FGF12: variants seen among roughly 807,000 people sequenced by gnomAD.
FGF12 encodes the protein fibroblast growth factor 12, also known as fibroblast growth factor 12B.
Under a neutral mutation model 23.6 loss-of-function variants are expected in FGF12, and 14 were observed. That is an observed-to-expected ratio of 0.59 (90% CI 0.39 to 0.93). The LOEUF is 0.93. Ranked by LOEUF, FGF12 falls within the 40% of genes least tolerant of loss-of-function variation. The probability of loss-of-function intolerance (pLI) is 0.00; values close to 1 mark genes in which losing one functional copy is unlikely to be tolerated. For synonymous variants in FGF12, 62 were observed against 77.3 expected, an observed-to-expected ratio of 0.80 and a Z score of 1.04; for missense variants, 175 against 217.8, an observed-to-expected ratio of 0.80 and a Z score of 1.24.
At chr3:192,725,280 T>C (rs573029086) in intron 2 of FGF12, among the ~76,000 whole-genome samples, 52 of 137,960 alleles carry the variant, frequency 3.8e-4, no homozygotes, top group African/African-American at 1.6e-3. Flanking sequence ...AAGACTTTCA[T>C]CATGTTTTTT....
chr3:192,377,547 T>A (rs1400328166), intron 2 of FGF12, among the ~76,000 whole-genome samples: 1 of 152,238 alleles, frequency 6.6e-6, no homozygotes, highest in African/African-American at 2.4e-5. Flanking sequence ...TTAGCGTCAA[T>A]GTTTATTATG....
At chr3:192,439,210 C>T (rs1722121183) in intron 2 of FGF12, among the ~76,000 whole-genome samples, 1 of 152,206 alleles carries the variant, frequency 6.6e-6, no homozygotes. Flanking sequence ...ATGGCCCCTT[C>T]AGAAATTCAC....
chr3:192,432,546 T>A (rs551132142), intron 2 of FGF12, among the ~76,000 whole-genome samples: 6 of 149,858 alleles, frequency 4.0e-5, no homozygotes, highest in African/African-American at 1.5e-4. Flanking sequence ...GAAATTGTCA[T>A]GTTGTGAACC....
intron 2 of FGF12, among the ~76,000 whole-genome samples, chr3:192,444,459 T>G (rs1722292130): frequency 6.6e-6 from 1 of 152,232 alleles, no homozygotes; most frequent in Non-Finnish European, 1.5e-5. Context: ...TTGTTTCTTC[T>G]AGTTAGCCAA....
At chr3:192,650,826 T>G (rs957406702) in intron 2 of FGF12, among the ~76,000 whole-genome samples, 1 of 152,222 alleles carries the variant, frequency 6.6e-6, no homozygotes, top group Non-Finnish European at 1.5e-5. Flanking sequence ...AAATTATGAC[T>G]TTACATATTC....
chr3:192,508,335 A>G (rs1264019327), intron 2 of FGF12, among the ~76,000 whole-genome samples: 1 of 152,236 alleles, frequency 6.6e-6, no homozygotes, highest in Non-Finnish European at 1.5e-5. Context: ...ATATTCAAAC[A>G]TGACATTCAT....
intron 4 of FGF12, among the ~76,000 whole-genome samples, chr3:192,206,737 T>C (rs992870447): frequency 2.6e-5 from 4 of 152,160 alleles, no homozygotes; most frequent in African/African-American, 9.7e-5. Flanking sequence ...TTTTATTTCT[T>C]CAAAAGTTGC....
intron 2 of FGF12, among the ~76,000 whole-genome samples, chr3:192,442,627 T>G (rs1254833764): frequency 6.6e-6 from 1 of 152,154 alleles, no homozygotes. Flanking sequence ...GTGAATATCA[T>G]CACACTGGTG....
At chr3:192,489,307 T>G (rs1340306671) in intron 2 of FGF12, among the ~76,000 whole-genome samples, 2 of 151,600 alleles carry the variant, frequency 1.3e-5, no homozygotes, top group Non-Finnish European at 2.9e-5. Context: ...CAAATTTCCA[T>G]TTTTTTTAAT....
chr3:192,563,792 C>T (rs919979808), intron 2 of FGF12, among the ~76,000 whole-genome samples: 3 of 152,158 alleles, frequency 2.0e-5, no homozygotes, highest in Non-Finnish European at 4.4e-5. Context: ...ATTTGAAATC[C>T]TAACCTCTCT....
Position 192,246,137 on chromosome 3 carries a change from C to T in FGF12, c.229-75481G>A, listed in dbSNP as rs78889287. Among the ~76,000 whole-genome samples, 509 of 152,198 alleles carry T rather than the reference C, an allele frequency of 3.3e-3. 9 individuals carry two copies. In the South Asian group the frequency reaches 0.046, roughly 14 times the overall value. On this transcript the variant is annotated intron_variant, in intron 4 of 5. Transcript: ENST00000445105. The stretch of plus-strand genomic sequence containing the variant: ...AGTTTTAAAATGCTTCCTCCAAAAG[C>T]ATGTTCCAATTCAAGGCAAGGCTCA...
At chr3:192,525,178 G>A (rs942478342) in intron 2 of FGF12, among the ~76,000 whole-genome samples, 11 of 151,882 alleles carry the variant, frequency 7.2e-5, no homozygotes, top group African/African-American at 2.4e-4. Flanking sequence ...AAATTCCTAC[G>A]CTATTGATAA....
intron 2 of FGF12, among the ~76,000 whole-genome samples, chr3:192,665,393 A>T (rs529455756): frequency 2.0e-5 from 3 of 152,334 alleles, no homozygotes; most frequent in Admixed American, 2.0e-4. Flanking sequence ...TCAATAAAGG[A>T]TGTGCCTTCA....
intron 4 of FGF12, among the ~76,000 whole-genome samples, chr3:192,251,148 A>T (rs1378765592): frequency 1.3e-5 from 2 of 152,130 alleles, no homozygotes; most frequent in East Asian, 3.8e-4. Context: ...GTCTCACCAC[A>T]ACTCACTTTT....
At chr3:192,475,921 A>T (rs2108816232) in intron 2 of FGF12, among the ~76,000 whole-genome samples, 1 of 151,512 alleles carries the variant, frequency 6.6e-6, no homozygotes, top group Non-Finnish European at 1.5e-5. Context: ...TATAGATGAT[A>T]GATGATATAG....
Position 192,173,856 on chromosome 3 carries a change from T to C in FGF12, c.229-3200A>G, listed in dbSNP as rs138713509. Reference sequence around the variant, plus strand: ...CTTATGAATGTACATCACAGAAACATGTAAATTTGAAGATAGATATAAAGC... The same window carrying C: ...CTTATGAATGTACATCACAGAAACACGTAAATTTGAAGATAGATATAAAGC... On this transcript the variant is annotated intron_variant, in intron 4 of 5. Transcript: ENST00000445105. Among the ~76,000 whole-genome samples the C allele has an allele frequency of 3.9e-5, 6 of 152,296 alleles. No homozygotes were observed. In the East Asian group the frequency reaches 7.7e-4, roughly 20 times the overall value.
At chr3:192,470,079 A>C (rs1723127038) in intron 2 of FGF12, among the ~76,000 whole-genome samples, 1 of 152,200 alleles carries the variant, frequency 6.6e-6, no homozygotes, top group African/African-American at 2.4e-5. Context: ...AGTGTAACTA[A>C]TTCCAATGTC....
intron 4 of FGF12, among the ~76,000 whole-genome samples, chr3:192,297,496 A>G (rs1715108888): frequency 6.6e-6 from 1 of 152,234 alleles, no homozygotes; most frequent in Non-Finnish European, 1.5e-5. Context: ...GCACTGTTCT[A>G]TAGCAGGAGT....
intron 2 of FGF12, among the ~76,000 whole-genome samples, chr3:192,633,581 C>T (rs981153679): frequency 7.9e-5 from 12 of 152,132 alleles, no homozygotes; most frequent in South Asian, 4.1e-4. Flanking sequence ...ATCCAATTCA[C>T]TCCATTTTTC....
Sources: gnomAD v4.1 joint callset for allele counts (sites outside exome capture counted in the v4.1 genomes callset) on GRCh38, gnomAD v4.1.1 for gene constraint, MANE v1.5 for transcripts, NCBI Gene and HGNC (gene_info 2026-07-23, HGNC 2026-07-21) for gene names.